Variants in STPG2 observed in about 807,000 individuals in gnomAD.
The protein encoded by STPG2 is sperm tail PG-rich repeat containing 2.
STPG2 carries 56 observed loss-of-function variants against 54.2 expected under a neutral mutation model. That is an observed-to-expected ratio of 1.03 (90% confidence interval 0.83 to 1.29). The LOEUF (loss-of-function observed/expected upper bound fraction) is 1.29, where lower values mean the gene tolerates loss of function less well. Among genes scored for constraint, STPG2 ranks in the 50% most tolerant of loss-of-function variants. STPG2 has a pLI of 0.00. For synonymous variants in STPG2, 200 were observed against 181.8 expected, an observed-to-expected ratio of 1.10 and a Z score of -0.81; for missense variants, 596 against 544.9, an observed-to-expected ratio of 1.09 and a Z score of -0.93.
chr4:97,718,705 C>T (rs1011391048), intron 9 of STPG2, among the ~76,000 whole-genome samples: 1 of 151,854 alleles, frequency 6.6e-6, no homozygotes, highest in African/African-American at 2.4e-5. Context: ...TTTAGTGAAC[C>T]AAAATCTATA....
At chr4:98,071,961 G>C (rs1738016737) in intron 5 of STPG2, among the ~76,000 whole-genome samples, 2 of 152,194 alleles carry the variant, frequency 1.3e-5, no homozygotes, top group East Asian at 1.9e-4. Flanking sequence ...CTGTTGGTGG[G>C]AGTGTAAACT....
intron 5 of STPG2, among the ~76,000 whole-genome samples, chr4:97,990,497 A>G (rs1351458365): frequency 1.3e-5 from 2 of 152,156 alleles, no homozygotes; most frequent in Non-Finnish European, 2.9e-5. Flanking sequence ...ATTAATATCA[A>G]CCTATTAAAT....
At chr4:97,970,323 T>C (rs1405786307) in intron 7 of STPG2, among the ~76,000 whole-genome samples, 1 of 152,164 alleles carries the variant, frequency 6.6e-6, no homozygotes, top group African/African-American at 2.4e-5. Flanking sequence ...AAAGCTCATA[T>C]GGAACCAAAA....
At chr4:97,898,244 G>A (rs978419082) in intron 8 of STPG2, among the ~76,000 whole-genome samples, 5 of 151,460 alleles carry the variant, frequency 3.3e-5, no homozygotes, top group African/African-American at 9.7e-5. Flanking sequence ...GGACTCTCTA[G>A]TTGTTCCATT....
intron 10 of STPG2, among the ~76,000 whole-genome samples, chr4:97,566,163 G>A (rs535335214): frequency 3.9e-5 from 6 of 152,280 alleles, no homozygotes; most frequent in African/African-American, 1.2e-4. Context: ...CCCCAGCCTC[G>A]CTGCCACCTT....
chr4:97,959,888 TAAC>T (rs1733824976), intron 7 of STPG2, among the ~76,000 whole-genome samples: 1 of 151,670 alleles, frequency 6.6e-6, no homozygotes, highest in Non-Finnish European at 1.5e-5. Context: ...GGAAAGGACA[TAAC>T]AAAAAAAGAA....
chr4:98,093,698 C>T (rs1738758086), intron 5 of STPG2, among the ~76,000 whole-genome samples: 1 of 152,182 alleles, frequency 6.6e-6, no homozygotes, highest in African/African-American at 2.4e-5. Context: ...TCCCCATCCC[C>T]CAACTGTAGC....
At chr4:98,037,391 C>A (rs10856933) in intron 5 of STPG2, among the ~76,000 whole-genome samples, 59,892 of 151,784 alleles carry the variant, frequency 0.39, 12,041 homozygotes, top group Middle Eastern at 0.46. Flanking sequence ...AATGTATATA[C>A]AAAATTAATA....
At chr4:97,514,992 C>G (rs1314971232) in intron 4 of STPG2, among the ~76,000 whole-genome samples, 3 of 152,012 alleles carry the variant, frequency 2.0e-5, no homozygotes, top group Non-Finnish European at 2.9e-5. Context: ...TTAGTGAAAT[C>G]AAGCTAAATT....
intron 5 of STPG2, among the ~76,000 whole-genome samples, chr4:98,018,840 C>G (rs1445135094): frequency 6.6e-6 from 1 of 151,514 alleles, no homozygotes; most frequent in Non-Finnish European, 1.5e-5. Context: ...CTTTTCATAT[C>G]CTTTGCCCAC....
At chr4:97,917,774 C>A (rs1426741681) in intron 8 of STPG2, among the ~76,000 whole-genome samples, 1 of 152,124 alleles carries the variant, frequency 6.6e-6, no homozygotes, top group Non-Finnish European at 1.5e-5. Flanking sequence ...AGAAAACCCA[C>A]TCTCTGGACA....
At chr4:98,079,697 A>C (rs1036701492) in intron 5 of STPG2, among the ~76,000 whole-genome samples, 3 of 152,182 alleles carry the variant, frequency 2.0e-5, no homozygotes, top group Non-Finnish European at 2.9e-5. Flanking sequence ...GGCCCACAAG[A>C]TATCAACTTC....
chr4:97,760,140 T>G (rs1468605798), intron 9 of STPG2, among the ~76,000 whole-genome samples: 1 of 152,220 alleles, frequency 6.6e-6, no homozygotes, highest in East Asian at 1.9e-4. Flanking sequence ...CTAAATAGAA[T>G]GTACTACTCC....
chr4:97,667,006 C>T (rs1416277028), intron 10 of STPG2, among the ~76,000 whole-genome samples: 1 of 152,192 alleles, frequency 6.6e-6, no homozygotes, highest in Non-Finnish European at 1.5e-5. Flanking sequence ...CCACCATCAT[C>T]ACTACCACCA....
intron 9 of STPG2, among the ~76,000 whole-genome samples, chr4:97,766,786 C>T (rs1409775035): frequency 6.6e-6 from 1 of 151,986 alleles, no homozygotes; most frequent in Non-Finnish European, 1.5e-5. Flanking sequence ...TAAAAATTAA[C>T]ATACAAACTG....
In STPG2 at chr4:97,576,779, G is replaced by A. The variant is rs536015306; in HGVS notation, c.1321-17662C>T. Among the ~76,000 whole-genome samples the A allele has an allele frequency of 4.8e-4, 73 of 152,036 alleles. No individual in the cohort carries two copies. The South Asian group carries it at 6.2e-3, about 13-fold the overall frequency. ...CATTAAATTAAAGAGATTCTGCACAGTAAAACAGACTATCAACATAGAAAA... is the reference window on the plus strand; with the variant it reads ...CATTAAATTAAAGAGATTCTGCACAATAAAACAGACTATCAACATAGAAAA... On this transcript the variant is annotated intron_variant, in intron 10 of 10. Transcript: ENST00000295268.
intron 8 of STPG2, among the ~76,000 whole-genome samples, chr4:97,878,738 C>T (rs111308333): frequency 0.023 from 3,461 of 152,244 alleles, 81 homozygotes; most frequent in African/African-American, 0.065. Context: ...AAGACATTTT[C>T]CCCATTATCC....
intron 7 of STPG2, among the ~76,000 whole-genome samples, chr4:97,967,179 G>C (rs920157309): frequency 3.1e-5 from 3 of 96,374 alleles, no homozygotes; most frequent in Admixed American, 1.3e-4. Context: ...CCAAGCAAAT[G>C]GTAAGCAAAA....
chr4:97,701,776 A>G (rs553981797), intron 10 of STPG2, among the ~76,000 whole-genome samples: 54 of 152,336 alleles, frequency 3.5e-4, no homozygotes, highest in African/African-American at 1.3e-3. Flanking sequence ...CCATAGCTCT[A>G]CATAAGTCAG....
Sources: gnomAD v4.1 joint callset for allele counts (sites outside exome capture counted in the v4.1 genomes callset) on GRCh38, gnomAD v4.1.1 for gene constraint, MANE v1.5 for transcripts, NCBI Gene and HGNC (gene_info 2026-07-23, HGNC 2026-07-21) for gene names.